The following PBRM1 variants were observed in gnomAD, a reference collection of about 807,000 sequenced individuals.
The protein encoded by PBRM1 is polybromo 1, also known as protein polybromo-1.
In PBRM1, 27 loss-of-function variants were observed where a neutral mutation model predicts 194.5. That is an observed-to-expected ratio of 0.14 (90% CI 0.10 to 0.19). The LOEUF is 0.19. PBRM1 is among the 10% of genes least tolerant of loss of function. The pLI, the probability that PBRM1 is intolerant of heterozygous loss-of-function variation, is 1.00. For synonymous variants in PBRM1, 655 were observed against 693.2 expected (o/e 0.94, Z 0.87); for missense variants, 1,466 against 2,077.2 (o/e 0.71, Z 5.72).
intron 17 of PBRM1, 39 bp from the exon 20 acceptor site, chr3:52,589,294 T>G (rs561272627): frequency 5.2e-5 from 71 of 1,361,348 alleles, no homozygotes; most frequent in Non-Finnish European, 1.9e-5. Flanking sequence ...AAAAAGGTAC[T>G]CACCAAAGGG....
intron 6 of PBRM1, among the ~76,000 whole-genome samples, chr3:52,650,479 T>C (rs944432844): frequency 2.6e-5 from 4 of 152,128 alleles, no homozygotes; most frequent in African/African-American, 9.7e-5. Context: ...TGTTACTCTT[T>C]ACTACTCTCT....
intron 20 of PBRM1, among the ~76,000 whole-genome samples, chr3:52,584,449 G>C (rs369110321): frequency 1.4e-3 from 111 of 80,764 alleles, no homozygotes; most frequent in African/African-American, 6.9e-3. Flanking sequence ...AAGTATTCTT[G>C]CTTTTTTTTT....
At chr3:52,646,797 C>T (rs980318449) in intron 7 of PBRM1, among the ~76,000 whole-genome samples, 1 of 152,134 alleles carries the variant, frequency 6.6e-6, no homozygotes, top group Non-Finnish European at 1.5e-5. Flanking sequence ...AAGAGCTAAA[C>T]TATAAACTTC....
chr3:52,618,429 T>C (rs574926159), intron 13 of PBRM1, among the ~76,000 whole-genome samples: 86 of 152,288 alleles, frequency 5.6e-4, no homozygotes, highest in African/African-American at 2.0e-3. Flanking sequence ...AGTAAATTAT[T>C]AGAAGCAATG....
At chr3:52,668,390 C>T (rs1425875613) in intron 3 of PBRM1, 108 bp downstream of exon 4, 4 of 702,486 alleles carry the variant, frequency 5.7e-6, no homozygotes, top group African/African-American at 1.9e-5. Context: ...CGAACTCAAG[C>T]CACAAAAAGA....
intron 7 of PBRM1, among the ~76,000 whole-genome samples, chr3:52,648,015 TCTC>T (rs1242154849): frequency 6.6e-6 from 1 of 151,862 alleles, no homozygotes; most frequent in Non-Finnish European, 1.5e-5. Context: ...TTCAACCGAC[TCTC>T]CTACCTCAGC....
rs1467766609 is a variant in PBRM1, at chr3:52,645,566, C to G, written c.814-777G>C. Among the ~76,000 whole-genome samples, 3 of 150,216 alleles carry G rather than the reference C, an allele frequency of 2.0e-5. No individual in the cohort carries two copies. In the Admixed American group the frequency reaches 2.0e-4, roughly 10 times the overall value. On this transcript the variant is annotated intron_variant, in intron 7 of 29. Coordinates refer to ENST00000296302, the Ensembl canonical transcript of PBRM1. The stretch of plus-strand genomic sequence containing the variant: ...CTTTCACCTTTTCACTTAAAGGGAG[C>G]ACTTTAAAGCTTCTTGAATTGCCAG...
At chr3:52,665,965 ATAAGT>A (rs1249349117) in intron 3 of PBRM1, among the ~76,000 whole-genome samples, 2 of 152,246 alleles carry the variant, frequency 1.3e-5, no homozygotes, top group Non-Finnish European at 2.9e-5. Context: ...CTGGCTTTGA[ATAAGT>A]TAATTATGCA....
intron 22 of PBRM1, among the ~76,000 whole-genome samples, chr3:52,564,792 G>C (rs2084627514): frequency 6.6e-6 from 1 of 152,130 alleles, no homozygotes; most frequent in Admixed American, 6.5e-5. Flanking sequence ...AGGGTTCCAA[G>C]ACAATTCATT....
chr3:52,634,133 A>G (rs919916913), intron 11 of PBRM1, among the ~76,000 whole-genome samples: 1 of 152,170 alleles, frequency 6.6e-6, no homozygotes, highest in Middle Eastern at 3.2e-3. Flanking sequence ...TACTTTGCTC[A>G]GTTATAAGAT....
At chr3:52,650,498 A>G (rs1377542831) in intron 6 of PBRM1, among the ~76,000 whole-genome samples, 1 of 151,698 alleles carries the variant, frequency 6.6e-6, no homozygotes, top group African/African-American at 2.4e-5. Context: ...CTTAGAGTTT[A>G]AAGTCAAAGA....
chr3:52,561,707 G>C, intron 25 of PBRM1, 60 bp downstream of exon 27: 1 of 1,386,622 alleles, frequency 7.2e-7, no homozygotes. Context: ...CTGTCTGTGC[G>C]CGTGCATTCC....
rs528796070 is a variant in PBRM1, at chr3:52,677,614, C to T, written c.236+886G>A. ...TTTTAGTAGAGACGGGGTTTCACCA[C>T]GTTGGCCAGGCTGGTCTCAAACTGC... On this transcript the variant is annotated intron_variant, in intron 2 of 29. Transcript: ENST00000296302. Among the ~76,000 whole-genome samples, 336 of 152,122 alleles carry T rather than the reference C, an allele frequency of 2.2e-3. 1 individual carries two copies. Among genetic ancestry groups the T allele is most frequent in the Middle Eastern group, 6.8e-3 (2 of 294 alleles).
chr3:52,647,305 G>A (rs1001541954), intron 7 of PBRM1, among the ~76,000 whole-genome samples: 3 of 151,232 alleles, frequency 2.0e-5, no homozygotes, highest in African/African-American at 7.3e-5. Flanking sequence ...GGCAACACCT[G>A]GATATTGCTG....
At chr3:52,579,196 T>C in exon 21 of PBRM1, 1 of 1,613,846 alleles carries the variant, frequency 6.2e-7, no homozygotes, top group Non-Finnish European at 8.5e-7. Flanking sequence ...ACATCTTCTT[T>C]TTCCTGTTGT....
intron 23 of PBRM1, among the ~76,000 whole-genome samples, chr3:52,563,707 G>A (rs1213546185): frequency 6.6e-6 from 1 of 150,810 alleles, no homozygotes; most frequent in Admixed American, 6.7e-5. Context: ...ATCCACAAAA[G>A]TATTGTGTCC....
At chr3:52,658,139 A>T in intron 5 of PBRM1, 60 bp downstream of exon 6, 2 of 822,008 alleles carry the variant, frequency 2.4e-6, no homozygotes, top group South Asian at 2.7e-5. Flanking sequence ...AATTAATACA[A>T]TTCTTGAAGT....
chr3:52,597,320 G>C (rs1407987844), intron 17 of PBRM1, among the ~76,000 whole-genome samples: 4 of 152,004 alleles, frequency 2.6e-5, no homozygotes, highest in Non-Finnish European at 5.9e-5. Flanking sequence ...TAAATTTGGT[G>C]TTCCTGTGGG....
At chr3:52,588,552 C>CTTTTT (rs36058575) in intron 18 of PBRM1, among the ~76,000 whole-genome samples, 95 of 110,104 alleles carry the variant, frequency 8.6e-4, no homozygotes, top group African/African-American at 2.0e-3. Flanking sequence ...GTATTTCTTT[C>CTTTTT]TTTTTTTTTT....
Sources: gnomAD v4.1 joint callset for allele counts (sites outside exome capture counted in the v4.1 genomes callset) on GRCh38, gnomAD v4.1.1 for gene constraint, MANE v1.5 for transcripts, NCBI Gene and HGNC (gene_info 2026-07-23, HGNC 2026-07-21) for gene names.